SLC22A9: variants seen among roughly 807,000 people sequenced by gnomAD.
SLC22A9 encodes the protein organic anion transporter 7.
In SLC22A9, 64 loss-of-function variants were observed where a neutral mutation model predicts 50.1. The ratio of observed to expected loss-of-function variants is 1.28; its 90% CI spans 1.04 to 1.57. The LOEUF (loss-of-function observed/expected upper bound fraction) is 1.57. SLC22A9 is among the 40% of genes most tolerant of loss of function. SLC22A9 has a pLI of 0.00. For synonymous variants in SLC22A9, 261 were observed against 242.5 expected (o/e 1.08, Z -0.71); for missense variants, 757 against 676.1 (o/e 1.12, Z -1.33).
At chr11:63,409,438 TAAA>T (rs10570779) in intron 9 of SLC22A9, among the ~76,000 whole-genome samples, 54,880 of 146,856 alleles carry the variant, frequency 0.37, 11,502 homozygotes, top group East Asian at 0.82. Flanking sequence ...TCTGATGAGC[TAAA>T]AAAAAAAAAA....
At chr11:63,379,585 A>C (rs1435874084) in intron 5 of SLC22A9, among the ~76,000 whole-genome samples, 1 of 152,160 alleles carries the variant, frequency 6.6e-6, no homozygotes, top group Non-Finnish European at 1.5e-5. Flanking sequence ...TAAACAGAAA[A>C]CCTATAGAAT....
At position 63,388,363 on chromosome 11, in the gene SLC22A9, G is replaced by GTT. The variant is rs771464400; in HGVS notation, c.1073+6097_1073+6098dup. On this transcript the variant is annotated intron_variant, in intron 6 of 9. Coordinates refer to ENST00000279178, the MANE Select transcript of SLC22A9 (RefSeq NM_080866.3). ...TCTTCTATGCCCAGTTTTTCGAGAG[G>GTT]TTTTTTTTTTTTATCAGAAATGGAT... is the stretch of plus-strand genomic sequence containing the variant. 1.1e-3 allele frequency among the ~76,000 whole-genome samples: 165 copies of GTT among 144,292 alleles called. 3 individuals are homozygous for GTT. The highest frequency in any genetic ancestry group is 3.6e-3 in the Middle Eastern group (1 of 274). 94.7% of individuals were successfully genotyped at this position (144,292 alleles called of 152,430 possible).
At position 63,408,222 on chromosome 11, in the gene SLC22A9, T is replaced by TACAGA. The variant is rs1316024418; in HGVS notation, c.1397+5_1397+9dup. On this transcript the variant is annotated splice_region_variant and intron_variant, in intron 8 of 9. Coordinates refer to ENST00000279178, the MANE Select transcript of SLC22A9 (RefSeq NM_080866.3). ...TGAAGTAATTCCCACCATAATCAGG[T>TACAGA]ACAGAACCTTAAGTATGCCCTGTCA... The TACAGA allele has an allele frequency of 6.2e-7, 1 of 1,611,282 alleles. No individual in the cohort carries two copies. The highest frequency in any genetic ancestry group is 2.2e-5 in the East Asian group (1 of 44,850).
At chr11:63,370,955 A>G (rs1287407625) in intron 1 of SLC22A9, among the ~76,000 whole-genome samples, 180 bp from the exon 2 acceptor site, 1 of 152,220 alleles carries the variant, frequency 6.6e-6, no homozygotes, top group Non-Finnish European at 1.5e-5. Flanking sequence ...AAAGTCTTCC[A>G]AGAGAAAGTT....
chr11:63,400,980 CTG>C lies in SLC22A9; in HGVS notation c.1074-5516_1074-5515del, dbSNP rs541924195. On this transcript the variant is annotated intron_variant, in intron 6 of 9. Coordinates refer to ENST00000279178, the MANE Select transcript of SLC22A9 (RefSeq NM_080866.3). ...CTTTATGATAAAAGCTCTCAACAAA[CTG>C]AGCATAAAAGGAAAATACCTCAAAA... Among the ~76,000 whole-genome samples, 314 of 152,126 alleles carry C rather than the reference CTG, an allele frequency of 2.1e-3. 1 individual carries two copies. Among genetic ancestry groups the C allele is most frequent in the Non-Finnish European group, 3.5e-3 (235 of 67,932 alleles).
Position 63,408,793 on chromosome 11 carries a change from C to T in SLC22A9, c.1515C>T (p.Phe505=). 6.2e-7 allele frequency: 1 copy of T among 1,613,990 alleles called. No individual in the cohort carries two copies. Among genetic ancestry groups the T allele is most frequent in the East Asian group, 2.2e-5 (1 of 44,864 alleles). The change falls in exon 9 of 10, where the codon TTC becomes TTT. Residue 505 remains phenylalanine, a synonymous_variant. Coordinates refer to ENST00000279178, the MANE Select transcript of SLC22A9 (RefSeq NM_080866.3). ...TGCCCTGGATCATCTATGGAGTCTTCCCCTTCATCTCTGGCTTTGCTTTCC... is the reference window on the plus strand; with the variant it reads ...TGCCCTGGATCATCTATGGAGTCTTTCCCTTCATCTCTGGCTTTGCTTTCC... ...PPLPWIIYGV[F]PFISGFAFLL...
chr11:63,408,091 T>A, intron 7 of SLC22A9, 21 bp from the exon 8 acceptor site: 1 of 1,602,066 alleles, frequency 6.2e-7, no homozygotes, highest in Non-Finnish European at 8.5e-7. Context: ...TCCTGAGGCC[T>A]TGTGTTCTTC....
intron 6 of SLC22A9, among the ~76,000 whole-genome samples, chr11:63,384,182 G>T (rs2014619749): frequency 6.6e-6 from 1 of 152,168 alleles, no homozygotes; most frequent in Non-Finnish European, 1.5e-5. Context: ...GGATGTGCAG[G>T]TTTGTTACAT....
rs890630237 is a variant in SLC22A9, at chr11:63,375,769, G to T, written c.954+1G>T. On this transcript the variant is annotated splice_donor_variant, in intron 5 of 9. Coordinates refer to ENST00000279178, the MANE Select transcript of SLC22A9 (RefSeq NM_080866.3). LOFTEE classifies it high-confidence loss of function. Reference sequence around the variant, plus strand: ...TGCCAGAGACACCCTAACCCTGGAGGTGAGCTGGATGGGAGCTAGATATGG... The same window carrying T: ...TGCCAGAGACACCCTAACCCTGGAGTTGAGCTGGATGGGAGCTAGATATGG... 9.3e-6 allele frequency: 15 copies of T among 1,611,262 alleles called. No individual in the cohort carries two copies. The highest frequency in any genetic ancestry group is 3.3e-5 in the Admixed American group (2 of 59,846).
intron 6 of SLC22A9, among the ~76,000 whole-genome samples, chr11:63,396,789 T>C (rs908172830): frequency 6.6e-6 from 1 of 152,212 alleles, no homozygotes; most frequent in African/African-American, 2.4e-5. Context: ...TTTAATTTCA[T>C]AGATTTTCCT....
intron 6 of SLC22A9, among the ~76,000 whole-genome samples, chr11:63,395,912 G>C (rs965091622): frequency 7.9e-5 from 12 of 152,126 alleles, no homozygotes; most frequent in African/African-American, 2.7e-4. Flanking sequence ...GAGGTTCCCA[G>C]GTCAAAGGAG....
At chr11:63,398,567 G>A (rs533873316) in intron 6 of SLC22A9, among the ~76,000 whole-genome samples, 2 of 152,312 alleles carry the variant, frequency 1.3e-5, no homozygotes, top group South Asian at 2.1e-4. Context: ...GTTGCTGGCT[G>A]AGTTCTGTCT....
intron 6 of SLC22A9, among the ~76,000 whole-genome samples, chr11:63,385,541 T>C (rs2014650333): frequency 6.6e-6 from 1 of 152,112 alleles, no homozygotes; most frequent in Non-Finnish European, 1.5e-5. Flanking sequence ...AGGTATTTTA[T>C]TCTCTTTGCA....
Position 63,409,918 on chromosome 11 carries a change from C to G in SLC22A9, c.*56C>G. 6.3e-7 allele frequency: 1 copy of G among 1,588,174 alleles called. No homozygotes were observed. Among genetic ancestry groups the G allele is most frequent in the Non-Finnish European group, 8.6e-7 (1 of 1,157,454 alleles). On this transcript the variant is annotated 3_prime_UTR_variant, in exon 10 of 10. Transcript: ENST00000279178. ...AGCCAGATGAAGGGAACAATCAGGA[C>G]TATTCCTAGACACTAGCAAAATCTA...
intron 6 of SLC22A9, among the ~76,000 whole-genome samples, chr11:63,399,497 A>G (rs1015875681): frequency 2.0e-5 from 3 of 152,206 alleles, no homozygotes; most frequent in African/African-American, 7.2e-5. Context: ...CAGTAAGAAG[A>G]TATAAAAACT....
Position 63,408,779 on chromosome 11 carries a change from A to G in SLC22A9, c.1501A>G (p.Ile501Val). 1 of 1,613,954 alleles carries G rather than the reference A, an allele frequency of 6.2e-7. No individual in the cohort carries two copies. The highest frequency in any genetic ancestry group is 8.5e-7 in the Non-Finnish European group (1 of 1,179,924). Residue 501 changes from isoleucine (I) to valine (V), a missense_variant, in exon 9 of 10, where the codon ATC becomes GTC. Physicochemically the swap from Ile to Val is conservative, Grantham distance 29. Transcript: ENST00000279178. ...GTATTCTCCACCCCTGCCCTGGATC[A>G]TCTATGGAGTCTTCCCCTTCATCTC... Reference protein sequence around the residue: ...SVYSPPLPWIIYGVFPFISGF... With the variant: ...SVYSPPLPWIVYGVFPFISGF...
At chr11:63,407,426 C>G (rs955462697) in intron 7 of SLC22A9, among the ~76,000 whole-genome samples, 1 of 152,060 alleles carries the variant, frequency 6.6e-6, no homozygotes, top group Non-Finnish European at 1.5e-5. Context: ...TGCTCCACTC[C>G]CCCTCTTGAA....
intron 6 of SLC22A9, among the ~76,000 whole-genome samples, chr11:63,386,869 TTTG>T (rs2119931005): frequency 6.6e-6 from 1 of 151,954 alleles, no homozygotes; most frequent in Non-Finnish European, 1.5e-5. Flanking sequence ...TGTTTTGTTT[TTTG>T]TTTTTTGTAT....
At chr11:63,398,511 G>A (rs767804563) in intron 6 of SLC22A9, among the ~76,000 whole-genome samples, 2 of 152,182 alleles carry the variant, frequency 1.3e-5, no homozygotes, top group Non-Finnish European at 2.9e-5. Context: ...CCACTGGGAT[G>A]GGCGATTCCC....
Sources: allele counts gnomAD v4.1 joint callset (sites outside exome capture counted in the v4.1 genomes callset), GRCh38; gene constraint gnomAD v4.1.1; transcripts MANE v1.5; gene names NCBI Gene and HGNC (gene_info 2026-07-23, HGNC 2026-07-21).